The following MYO16 variants were observed in gnomAD, a reference collection of about 807,000 sequenced individuals.
The protein encoded by MYO16 is unconventional myosin-XVI.
Under a neutral mutation model 205.3 loss-of-function variants are expected in MYO16, and 94 were observed. The ratio of observed to expected loss-of-function variants is 0.46; its 90% confidence interval spans 0.39 to 0.54. The LOEUF is 0.54. MYO16 is among the 20% of genes least tolerant of loss of function. MYO16 has a pLI of 0.00. For missense variants in MYO16, 2,315 were observed against 2,387.5 expected, an observed-to-expected ratio of 0.97 and a Z score of 0.63; for synonymous variants, 988 against 954.0, an observed-to-expected ratio of 1.04 and a Z score of -0.66.
chr13:109,077,471 G>A (rs1027950007), intron 27 of MYO16, among the ~76,000 whole-genome samples: 4 of 152,084 alleles, frequency 2.6e-5, no homozygotes, highest in African/African-American at 4.8e-5. Context: ...TATAATTGAC[G>A]AATTTGCATT....
intron 16 of MYO16, among the ~76,000 whole-genome samples, chr13:108,955,704 A>G (rs1374168677): frequency 6.6e-6 from 1 of 152,110 alleles, no homozygotes; most frequent in Non-Finnish European, 1.5e-5. Context: ...TACAAAAATT[A>G]GCCGGGCACG....
At chr13:108,543,079 AAC>A in the MYO16 span, among the ~76,000 whole-genome samples, 1 of 152,178 alleles carries the variant, frequency 6.6e-6, no homozygotes, top group Non-Finnish European at 1.5e-5. Flanking sequence ...ATTTTAATAA[AAC>A]ACATTTTCAA....
intron 12 of MYO16, among the ~76,000 whole-genome samples, chr13:108,867,361 G>A (rs542853548): frequency 7.2e-5 from 11 of 152,094 alleles, no homozygotes; most frequent in South Asian, 6.2e-4. Flanking sequence ...TTGAGATCCC[G>A]TCTCTAAATA....
chr13:108,682,728 G>A (rs1005490849), intron 2 of MYO16, among the ~76,000 whole-genome samples: 5 of 152,078 alleles, frequency 3.3e-5, no homozygotes, highest in African/African-American at 7.2e-5. Context: ...CAGAGCCTTC[G>A]GTGGTAGATT....
At chr13:108,533,652 T>A in the MYO16 span, among the ~76,000 whole-genome samples, 465 of 152,336 alleles carry the variant, frequency 3.1e-3, 2 homozygotes, top group African/African-American at 0.01. Context: ...CTCTGTCATA[T>A]GTATTTATCA....
chr13:108,690,476 A>T (rs996347913), intron 2 of MYO16, among the ~76,000 whole-genome samples: 1 of 151,426 alleles, frequency 6.6e-6, no homozygotes, highest in African/African-American at 2.4e-5. Context: ...CTGTCATGCT[A>T]TGGCCTTAAT....
the MYO16 span, among the ~76,000 whole-genome samples, chr13:108,566,933 A>G: frequency 6.6e-6 from 1 of 152,190 alleles, no homozygotes; most frequent in Non-Finnish European, 1.5e-5. Flanking sequence ...TTTGACTAGG[A>G]TAGAAGCATA....
the MYO16 span, among the ~76,000 whole-genome samples, chr13:108,579,805 T>C: frequency 6.6e-6 from 1 of 152,154 alleles, no homozygotes; most frequent in Non-Finnish European, 1.5e-5. Context: ...AAGATAATTC[T>C]GTAGAAAAAT....
intron 23 of MYO16, among the ~76,000 whole-genome samples, chr13:109,021,354 C>T (rs761021291): frequency 2.0e-4 from 31 of 152,152 alleles, no homozygotes; most frequent in Non-Finnish European, 4.1e-4. Context: ...TGCTACTGCT[C>T]CCACCTGCAC....
At chr13:108,949,477 C>T (rs1006807902) in intron 16 of MYO16, among the ~76,000 whole-genome samples, 1 of 151,654 alleles carries the variant, frequency 6.6e-6, no homozygotes, top group African/African-American at 2.4e-5. Flanking sequence ...CTTAAGTATA[C>T]ACTTAACAAA....
chr13:108,564,813 T>C, the MYO16 span, among the ~76,000 whole-genome samples: 1 of 152,272 alleles, frequency 6.6e-6, no homozygotes, highest in South Asian at 2.1e-4. Context: ...TAATCTGTTT[T>C]GTTTTGATTT....
At chr13:109,138,908 C>T (rs1394005235) in intron 31 of MYO16, among the ~76,000 whole-genome samples, 1 of 152,158 alleles carries the variant, frequency 6.6e-6, no homozygotes, top group East Asian at 1.9e-4. Context: ...TCCTCTGCCT[C>T]CTGGGTTCAA....
chr13:108,979,341 A>C (rs277793), intron 20 of MYO16, among the ~76,000 whole-genome samples: 1 of 151,694 alleles, frequency 6.6e-6, no homozygotes, highest in Admixed American at 6.6e-5. Flanking sequence ...AATACCTCTT[A>C]GTATATTCCA....
At chr13:108,996,423 G>T (rs1295115376) in intron 21 of MYO16, among the ~76,000 whole-genome samples, 1 of 151,966 alleles carries the variant, frequency 6.6e-6, no homozygotes, top group Non-Finnish European at 1.5e-5. Context: ...ATGTATAAAA[G>T]CTATAATTAA....
At chr13:108,656,283 G>A (rs1253473632) in intron 1 of MYO16, among the ~76,000 whole-genome samples, 1 of 152,038 alleles carries the variant, frequency 6.6e-6, no homozygotes, top group Admixed American at 6.5e-5. Context: ...TTTTATCAGG[G>A]GTTTCCATTT....
chr13:109,133,217 CTTAA>C (rs1162757684), intron 31 of MYO16, among the ~76,000 whole-genome samples: 2 of 152,216 alleles, frequency 1.3e-5, no homozygotes, highest in Non-Finnish European at 2.9e-5. Context: ...CTAGCAGGCA[CTTAA>C]TTAAGCATCT....
chr13:108,662,091 C>G (rs1334672802), intron 1 of MYO16, among the ~76,000 whole-genome samples: 1 of 152,210 alleles, frequency 6.6e-6, no homozygotes, highest in Non-Finnish European at 1.5e-5. Flanking sequence ...TACCCAGCTC[C>G]AGGCTGGTAC....
intron 25 of MYO16, among the ~76,000 whole-genome samples, chr13:109,053,500 C>A (rs1175739114): frequency 6.6e-6 from 1 of 151,940 alleles, no homozygotes; most frequent in Non-Finnish European, 1.5e-5. Context: ...TGGAGGTCTT[C>A]CTGAACCTTC....
rs546684243 is a variant in MYO16, at chr13:108,674,512, C to G, written c.292+8363C>G. On this transcript the variant is annotated intron_variant, in intron 2 of 34. Transcript: ENST00000457511. ...GCGTTTTATTGGATGCAGCTTTATCCTCTCTCCCTGACCTCCCACAACCAG... is the reference window on the plus strand; with the variant it reads ...GCGTTTTATTGGATGCAGCTTTATCGTCTCTCCCTGACCTCCCACAACCAG... Among the ~76,000 whole-genome samples the G allele has an allele frequency of 9.8e-3, 1,488 of 152,234 alleles. 20 individuals are homozygous for G. The highest frequency in any genetic ancestry group is 0.034 in the African/African-American group (1,415 of 41,530).
Sources: allele counts gnomAD v4.1 joint callset (sites outside exome capture counted in the v4.1 genomes callset), GRCh38; gene constraint gnomAD v4.1.1; transcripts MANE v1.5; gene names NCBI Gene and HGNC (gene_info 2026-07-23, HGNC 2026-07-21).